Variants in ZNF44 observed in about 807,000 individuals in gnomAD.
ZNF44 encodes gonadotropin inducible transcription repressor-2.
ZNF44 carries 9 observed loss-of-function variants against 11.7 expected under a neutral mutation model. The observed-to-expected ratio is 0.77, with a 90% CI of 0.46 to 1.35. ZNF44 has a LOEUF of 1.35. ZNF44 is among the 40% of genes most tolerant of loss of function. ZNF44 has a pLI of 0.00. For synonymous variants in ZNF44, 224 were observed against 242.7 expected (o/e 0.92, Z 0.72); for missense variants, 696 against 743.1 (o/e 0.94, Z 0.74).
At chr19:12,233,864 C>G (rs1196329059) in intron 2 of ZNF44, among the ~76,000 whole-genome samples, 3 of 151,980 alleles carry the variant, frequency 2.0e-5, no homozygotes, top group Non-Finnish European at 4.4e-5. Flanking sequence ...GAGTTCGAGA[C>G]CAGCCTGACC....
chr19:12,273,947 C>T lies in ZNF44; in HGVS notation c.308G>A (p.Cys103Tyr), dbSNP rs751449729. 3.7e-5 allele frequency: 59 copies of T among 1,614,088 alleles called. No individual in the cohort carries two copies. Among genetic ancestry groups the T allele is most frequent in the Non-Finnish European group, 1.7e-6 (2 of 1,180,046 alleles). The change falls in exon 4 of 4, where the codon TGT becomes TAT. Residue 103 changes from cysteine to tyrosine, a missense_variant. Transcript: ENST00000355684. ...GACTTCTCCATTCACACTGCTTCCACATGCATCTACTCTGGCGGGAGTGTT... is the reference window on the plus strand; with the variant it reads ...GACTTCTCCATTCACACTGCTTCCATATGCATCTACTCTGGCGGGAGTGTT... The part of the protein sequence containing the change: ...NKNTPARVDA[C>Y]GSSVNGEVIM...
chr19:12,225,667 T>G (rs1026878041), downstream of ZNF44, among the ~76,000 whole-genome samples: 1 of 152,176 alleles, frequency 6.6e-6, no homozygotes, highest in African/African-American at 2.4e-5. Context: ...CTACTGCAAA[T>G]AGTAGAGTGA....
At chr19:12,276,937 C>T (rs1194300579) in intron 1 of ZNF44, among the ~76,000 whole-genome samples, 1 of 152,172 alleles carries the variant, frequency 6.6e-6, no homozygotes, top group Non-Finnish European at 1.5e-5. Context: ...ACAGAGTCCC[C>T]ATCAGCAAGA....
In ZNF44 at chr19:12,292,303, C is replaced by G. The variant is rs867862656; in HGVS notation, c.3+2389G>C. Among the ~76,000 whole-genome samples the G allele has an allele frequency of 6.6e-5, 10 of 152,198 alleles. No homozygotes were observed. The Middle Eastern group carries it at 0.01, about 156-fold the overall frequency. On this transcript the variant is annotated intron_variant, in intron 1 of 3. Transcript: ENST00000355684. Reference sequence around the variant, plus strand: ...CCAGCCTGGGCAACAGAGGGAGACCCTGTCTTATAAAAAATAAAAATAATA... The same window carrying G: ...CCAGCCTGGGCAACAGAGGGAGACCGTGTCTTATAAAAAATAAAAATAATA...
At chr19:12,257,089 A>G (rs1917293380) in intron 5 of ZNF44, among the ~76,000 whole-genome samples, 1 of 152,186 alleles carries the variant, frequency 6.6e-6, no homozygotes, top group Non-Finnish European at 1.5e-5. Flanking sequence ...AAAGACTGCA[A>G]TATCAAGGCT....
At chr19:12,250,893 G>T in intron 5 of ZNF44, 3 of 442,852 alleles carry the variant, frequency 6.8e-6, no homozygotes, top group Non-Finnish European at 1.4e-5. Flanking sequence ...TAGGATATTC[G>T]AGGTAGTCAG....
intron 5 of ZNF44, among the ~76,000 whole-genome samples, chr19:12,258,473 A>G (rs1917361817): frequency 6.6e-6 from 1 of 152,028 alleles, no homozygotes; most frequent in Admixed American, 6.6e-5. Flanking sequence ...AACTAATTTA[A>G]TTGGGGAGTA....
chr19:12,259,022 G>A (rs2459046), intron 5 of ZNF44, among the ~76,000 whole-genome samples: 7,928 of 151,924 alleles, frequency 0.052, 691 homozygotes, highest in African/African-American at 0.18. Context: ...CTACAGGTGC[G>A]TGCCACTACA....
intron 1 of ZNF44, among the ~76,000 whole-genome samples, chr19:12,287,301 G>A (rs751098599): frequency 2.3e-4 from 35 of 151,722 alleles, no homozygotes; most frequent in Non-Finnish European, 3.4e-4. Flanking sequence ...TGCAGCCTCC[G>A]CCTCCTGGGT....
chr19:12,291,975 T>C (rs147604808), intron 1 of ZNF44, among the ~76,000 whole-genome samples: 1,784 of 129,234 alleles, frequency 0.014, 37 homozygotes, highest in African/African-American at 0.049. Flanking sequence ...CTGGGCAATA[T>C]AGTGAAACTC....
intron 5 of ZNF44, among the ~76,000 whole-genome samples, chr19:12,258,160 C>CA (rs770370872): frequency 0.2 from 11,251 of 55,818 alleles, 1,310 homozygotes; most frequent in Non-Finnish European, 0.26. Flanking sequence ...CTCATCTCTA[C>CA]AAAAAAAAAA....
At chr19:12,261,018 G>GTA (rs1917486828) in intron 5 of ZNF44, among the ~76,000 whole-genome samples, 1 of 152,202 alleles carries the variant, frequency 6.6e-6, no homozygotes, top group African/African-American at 2.4e-5. Flanking sequence ...CACTGAGAGG[G>GTA]TATGAAAAGG....
intron 1 of ZNF44, among the ~76,000 whole-genome samples, chr19:12,287,355 C>G (rs1967807309): frequency 1.3e-5 from 2 of 152,134 alleles, no homozygotes; most frequent in Admixed American, 6.6e-5. Context: ...GCTGGGACTA[C>G]AGGCATGTGC....
intron 1 of ZNF44, chr19:12,237,176 C>T (rs539287997): frequency 1.1e-4 from 17 of 152,484 alleles, no homozygotes; most frequent in African/African-American, 3.8e-4. Flanking sequence ...CATGATCCTC[C>T]CGTGGCCCCC....
At chr19:12,262,519 T>A (rs1011442884) in intron 5 of ZNF44, among the ~76,000 whole-genome samples, 23 of 152,286 alleles carry the variant, frequency 1.5e-4, no homozygotes, top group African/African-American at 5.3e-4. Context: ...TCTGCCCGCC[T>A]CGACCTCCCA....
intron 5 of ZNF44, among the ~76,000 whole-genome samples, chr19:12,264,292 G>A (rs1917642855): frequency 6.6e-6 from 1 of 152,132 alleles, no homozygotes; most frequent in East Asian, 1.9e-4. Flanking sequence ...TCCTTGATAA[G>A]CGTGAGTACG....
chr19:12,247,831 A>C lies in ZNF44; in HGVS notation c.*1034T>G, dbSNP rs765456266. On this transcript the variant is annotated 3_prime_UTR_variant and NMD_transcript_variant, in exon 8 of 8. Coordinates refer to the ZNF44 transcript ENST00000393337. ...TGTGCTTGAAAACCTAAAGGAGACA[A>C]GTAAGTTTTCCCACACAGTTTACAT... 4 of 1,296,392 alleles carry C rather than the reference A, an allele frequency of 3.1e-6. No individual in the cohort carries two copies. The South Asian group carries it at 4.9e-5, about 16-fold the overall frequency. The allele number at this position is 1,296,392 out of a possible 1,614,324, so 80.3% of individuals were successfully genotyped here.
chr19:12,246,009 A>G (rs1201965997), downstream of ZNF44, among the ~76,000 whole-genome samples: 1 of 152,114 alleles, frequency 6.6e-6, no homozygotes, highest in Non-Finnish European at 1.5e-5. Flanking sequence ...TTCACATCAA[A>G]GATATAATTT....
At chr19:12,233,550 C>CAAAAAAAAAAAAAAAAAAAAAA in intron 2 of ZNF44, among the ~76,000 whole-genome samples, 1 of 80,852 alleles carries the variant, frequency 1.2e-5, no homozygotes, top group Non-Finnish European at 2.6e-5. Context: ...ACCCATACAT[C>CAAAAAAAAAAAAAAAAAAAAAA]AAAAAAAAAA....
Sources: gnomAD v4.1 joint callset for allele counts (sites outside exome capture counted in the v4.1 genomes callset) on GRCh38, gnomAD v4.1.1 for gene constraint, MANE v1.5 for transcripts, NCBI Gene and HGNC (gene_info 2026-07-23, HGNC 2026-07-21) for gene names.